AGFG1: variants seen among roughly 807,000 people sequenced by gnomAD.
The protein encoded by AGFG1 is arf-GAP domain and FG repeat-containing protein 1.
A neutral mutation model predicts 60.6 loss-of-function variants in AGFG1; 10 were observed. The observed-to-expected ratio is 0.16, with a 90% confidence interval of 0.10 to 0.28. AGFG1 has a LOEUF of 0.28. Among genes scored for constraint, AGFG1 ranks in the 10% least tolerant of loss-of-function variants. The pLI is 1.00. For missense variants in AGFG1, 537 were observed against 676.5 expected (o/e 0.79, Z 2.29); for synonymous variants, 247 against 242.9 (o/e 1.02, Z -0.16).
At chr2:227,509,642 C>A (rs1480828982) in intron 2 of AGFG1, among the ~76,000 whole-genome samples, 1 of 152,074 alleles carries the variant, frequency 6.6e-6, no homozygotes, top group Non-Finnish European at 1.5e-5. Flanking sequence ...GCAAATGTTA[C>A]CGTTGGAGAC....
chr2:227,500,134 A>G lies in AGFG1; in HGVS notation c.261+8494A>G, dbSNP rs552487705. On this transcript the variant is annotated intron_variant, in intron 2 of 12. Transcript: ENST00000310078. ...GAAAACAAACAGGCCCTCCAGCCTC[A>G]TAGGTTTTTGAGGAATTGGTAATGA... Among the ~76,000 whole-genome samples the G allele has an allele frequency of 1.2e-4, 18 of 152,316 alleles. No individual in the cohort carries two copies. The East Asian group carries it at 3.5e-3, about 29-fold the overall frequency.
At chr2:227,535,984 G>T (rs766658239) in intron 8 of AGFG1, among the ~76,000 whole-genome samples, 1 of 152,018 alleles carries the variant, frequency 6.6e-6, no homozygotes, top group Non-Finnish European at 1.5e-5. Flanking sequence ...TGCATTGATG[G>T]TGTGAAAACA....
chr2:227,545,131 G>T, intron 10 of AGFG1, among the ~76,000 whole-genome samples: 1 of 152,214 alleles, frequency 6.6e-6, no homozygotes. Context: ...ACATAGTCCC[G>T]TAGTTCTTGG....
In AGFG1 at chr2:227,511,261, A is replaced by G. The variant is rs138640944; in HGVS notation, c.262-8687A>G. Reference sequence around the variant, plus strand: ...AGATATGCCTCTAAAACAGGTTTTTATTATCCTATTTAAATTGTTACTAGT... The same window carrying G: ...AGATATGCCTCTAAAACAGGTTTTTGTTATCCTATTTAAATTGTTACTAGT... On this transcript the variant is annotated intron_variant, in intron 2 of 12. Transcript: ENST00000310078. Among the ~76,000 whole-genome samples the G allele has an allele frequency of 9.2e-5, 14 of 152,282 alleles. 1 individual carries two copies. In the East Asian group the frequency reaches 2.7e-3, roughly 29 times the overall value.
chr2:227,554,096 T>G (rs1450895413), intron 12 of AGFG1, among the ~76,000 whole-genome samples: 2 of 152,222 alleles, frequency 1.3e-5, no homozygotes, highest in Non-Finnish European at 2.9e-5. Context: ...AATAACACTT[T>G]ATGAGAGGCC....
intron 3 of AGFG1, among the ~76,000 whole-genome samples, chr2:227,522,465 T>C (rs983317405): frequency 1.1e-4 from 16 of 152,212 alleles, no homozygotes; most frequent in African/African-American, 3.9e-4. Context: ...GTGATTATTA[T>C]GTAGTTTAGT....
At position 227,534,973 on chromosome 2, in the gene AGFG1, A is replaced by C; in HGVS notation, c.1153A>C (p.Ser385Arg). Residue 385 changes from serine (S) to arginine (R), a missense_variant, in exon 8 of 13, where the codon AGT (serine) becomes CGT (arginine). Physicochemically the swap from Ser to Arg is moderately radical, Grantham distance 110. Coordinates refer to ENST00000310078, the MANE Select transcript of AGFG1 (RefSeq NM_004504.5). ...TCTGGCAGAACTAGACAGCGTTTTC[A>C]GTTCTGCAGCCACCTCCAGTAATGC... ...AALAELDSVF[S>R]SAATSSNAYT... The C allele has an allele frequency of 6.2e-7, 1 of 1,613,856 alleles. No individual in the cohort carries two copies. The highest frequency in any genetic ancestry group is 2.2e-5 in the East Asian group (1 of 44,878).
intron 1 of AGFG1, 142 bp downstream of exon 1, chr2:227,472,730 C>A (rs1302673230): frequency 4.1e-6 from 4 of 971,034 alleles, no homozygotes; most frequent in Non-Finnish European, 4.1e-6. Context: ...CGCCGGCTGG[C>A]GGGCGCGGCG....
intron 2 of AGFG1, among the ~76,000 whole-genome samples, chr2:227,511,031 TC>T (rs1329293936): frequency 6.6e-6 from 1 of 152,258 alleles, no homozygotes; most frequent in African/African-American, 2.4e-5. Context: ...TACCTATTAA[TC>T]TTTCACCAAA....
At chr2:227,483,863 G>A (rs1260800500) in intron 1 of AGFG1, among the ~76,000 whole-genome samples, 1 of 152,018 alleles carries the variant, frequency 6.6e-6, no homozygotes, top group Non-Finnish European at 1.5e-5. Context: ...TTAAAAAATT[G>A]GCCAAGTTTT....
At chr2:227,518,173 G>A (rs1201924846) in intron 2 of AGFG1, among the ~76,000 whole-genome samples, 1 of 152,048 alleles carries the variant, frequency 6.6e-6, no homozygotes, top group Admixed American at 6.6e-5. Context: ...TTCTTCTTTG[G>A]ATATTCTCCC....
Position 227,491,485 on chromosome 2 carries a change from G to T in AGFG1, c.168-62G>T. On this transcript the variant is annotated intron_variant, in intron 1 of 12. Transcript: ENST00000310078. ...TGGTTAGAAATATTTTGAATTACTAGATGTGTCATTTTAAAAATGTGGTAT... is the reference window on the plus strand; with the variant it reads ...TGGTTAGAAATATTTTGAATTACTATATGTGTCATTTTAAAAATGTGGTAT... The T allele has an allele frequency of 2.0e-6, 2 of 1,011,694 alleles. 1 individual carries two copies. Among genetic ancestry groups the T allele is most frequent in the East Asian group, 5.3e-5 (2 of 37,880 alleles). 62.7% of individuals were successfully genotyped at this position (1,011,694 alleles called of 1,614,324 possible).
At chr2:227,496,120 A>AG (rs1289649068) in intron 2 of AGFG1, among the ~76,000 whole-genome samples, 4 of 120,534 alleles carry the variant, frequency 3.3e-5, no homozygotes, top group Admixed American at 8.9e-5. Flanking sequence ...CAAAAAAAAA[A>AG]AAAAGAAAAA....
chr2:227,502,504 A>G (rs1442420561), intron 2 of AGFG1, among the ~76,000 whole-genome samples: 3 of 151,918 alleles, frequency 2.0e-5, no homozygotes, highest in African/African-American at 7.3e-5. Flanking sequence ...GTAATTTAGT[A>G]GAGATGAGGA....
chr2:227,484,767 G>A (rs1031674081), intron 1 of AGFG1, among the ~76,000 whole-genome samples: 2 of 132,876 alleles, frequency 1.5e-5, no homozygotes, highest in African/African-American at 5.7e-5. Context: ...GCAGTGGTAC[G>A]ATCTTGGCTC....
At chr2:227,492,990 A>G (rs1690863823) in intron 2 of AGFG1, among the ~76,000 whole-genome samples, 1 of 152,170 alleles carries the variant, frequency 6.6e-6, no homozygotes, top group Non-Finnish European at 1.5e-5. Flanking sequence ...GGAATCAGAA[A>G]TAAAGAATAT....
At chr2:227,473,259 G>A (rs1203042576) in intron 1 of AGFG1, among the ~76,000 whole-genome samples, 7 of 152,208 alleles carry the variant, frequency 4.6e-5, no homozygotes, top group African/African-American at 1.7e-4. Flanking sequence ...ATTAATTGCG[G>A]GAGGGGGAGG....
At chr2:227,545,150 T>A (rs1692607907) in intron 10 of AGFG1, among the ~76,000 whole-genome samples, 1 of 152,160 alleles carries the variant, frequency 6.6e-6, no homozygotes, top group Non-Finnish European at 1.5e-5. Flanking sequence ...GGAGGCTTTG[T>A]TTGTTTCTTT....
chr2:227,518,932 G>A (rs568952050), intron 2 of AGFG1, among the ~76,000 whole-genome samples: 1 of 152,272 alleles, frequency 6.6e-6, no homozygotes, highest in South Asian at 2.1e-4. Context: ...CAGCACTTTG[G>A]GAGGCTGAGG....
Sources: allele counts gnomAD v4.1 joint callset (sites outside exome capture counted in the v4.1 genomes callset), GRCh38; gene constraint gnomAD v4.1.1; transcripts MANE v1.5; gene names NCBI Gene and HGNC (gene_info 2026-07-23, HGNC 2026-07-21).